The following LRRC7 variants were observed in gnomAD, a reference collection of about 807,000 sequenced individuals.
LRRC7 encodes the protein leucine-rich repeat-containing protein 7.
In LRRC7, 23 loss-of-function variants were observed where a neutral mutation model predicts 175.7. The ratio of observed to expected loss-of-function variants is 0.13; its 90% CI spans 0.09 to 0.19. The LOEUF (loss-of-function observed/expected upper bound fraction) is 0.19. Among genes scored for constraint, LRRC7 ranks in the 10% least tolerant of loss-of-function variants. The pLI, the probability that LRRC7 is intolerant of heterozygous loss-of-function variation, is 1.00. For synonymous variants in LRRC7, 685 were observed against 680.9 expected (o/e 1.01, Z -0.09); for missense variants, 1,354 against 1,904.7 (o/e 0.71, Z 5.38).
chr1:69,826,335 G>T (rs1021235122), intron 5 of LRRC7, among the ~76,000 whole-genome samples: 2 of 152,096 alleles, frequency 1.3e-5, no homozygotes, highest in African/African-American at 4.8e-5. Context: ...TGGAAGATAT[G>T]GATAATAGAG....
At chr1:69,655,795 T>C (rs1177826863) in intron 1 of LRRC7, among the ~76,000 whole-genome samples, 1 of 152,102 alleles carries the variant, frequency 6.6e-6, no homozygotes, top group African/African-American at 2.4e-5. Flanking sequence ...ACATTACATG[T>C]AAATGATTTA....
At chr1:70,008,013 A>G (rs921229181) in intron 11 of LRRC7, among the ~76,000 whole-genome samples, 1 of 152,036 alleles carries the variant, frequency 6.6e-6, no homozygotes, top group African/African-American at 2.4e-5. Flanking sequence ...GAATAGAACT[A>G]ATCAGAGATA....
At chr1:70,119,640 A>G (rs542250548) in intron 26 of LRRC7, among the ~76,000 whole-genome samples, 1 of 152,294 alleles carries the variant, frequency 6.6e-6, no homozygotes, top group South Asian at 2.1e-4. Flanking sequence ...GTTTTATACC[A>G]ATTTCGCCCT....
At chr1:70,013,366 G>A (rs914611593) in intron 13 of LRRC7, among the ~76,000 whole-genome samples, 4 of 151,520 alleles carry the variant, frequency 2.6e-5, no homozygotes, top group African/African-American at 9.7e-5. Flanking sequence ...TATGCAGAAA[G>A]CATAATAATA....
At chr1:69,623,793 A>G (rs1651042821) in intron 1 of LRRC7, among the ~76,000 whole-genome samples, 1 of 152,086 alleles carries the variant, frequency 6.6e-6, no homozygotes, top group South Asian at 2.1e-4. Context: ...CAGGTGATCC[A>G]CCCACCTCGG....
intron 14 of LRRC7, among the ~76,000 whole-genome samples, chr1:70,017,986 T>G (rs1657112521): frequency 6.6e-6 from 1 of 152,120 alleles, no homozygotes; most frequent in Admixed American, 6.6e-5. Context: ...GTAATGTGGT[T>G]ATGACTCAGT....
intron 4 of LRRC7, among the ~76,000 whole-genome samples, chr1:69,798,695 C>T (rs1281317864): frequency 1.3e-5 from 2 of 152,060 alleles, no homozygotes; most frequent in Non-Finnish European, 2.9e-5. Flanking sequence ...TCATCTCAAT[C>T]CCTTCCCACT....
chr1:69,981,635 A>C (rs771691387), intron 9 of LRRC7, among the ~76,000 whole-genome samples: 1 of 152,164 alleles, frequency 6.6e-6, no homozygotes, highest in Non-Finnish European at 1.5e-5. Context: ...GGATAAACAG[A>C]TCTGGATTTC....
intron 1 of LRRC7, among the ~76,000 whole-genome samples, chr1:69,594,392 G>T (rs1646758631): frequency 6.6e-6 from 1 of 152,126 alleles, no homozygotes; most frequent in Non-Finnish European, 1.5e-5. Flanking sequence ...ACTGGGACCA[G>T]TTTTATTTGG....
chr1:69,798,477 C>T (rs2101085564), intron 4 of LRRC7, among the ~76,000 whole-genome samples: 1 of 152,214 alleles, frequency 6.6e-6, no homozygotes, highest in Non-Finnish European at 1.5e-5. Flanking sequence ...TATCCTAACA[C>T]TTAATATTGT....
At chr1:69,623,435 G>GAA (rs138471943) in intron 1 of LRRC7, among the ~76,000 whole-genome samples, 2,936 of 143,232 alleles carry the variant, frequency 0.02, 47 homozygotes, top group Non-Finnish European at 0.032. Context: ...CTGCTATGAG[G>GAA]AAAAAAAAAA....
At chr1:69,919,781 G>T in intron 7 of LRRC7, 2 of 906,722 alleles carry the variant, frequency 2.2e-6, no homozygotes. Context: ...GCGGACGGGG[G>T]AGATGAGCGG....
chr1:69,911,177 C>T (rs564818138), intron 7 of LRRC7, among the ~76,000 whole-genome samples: 19 of 151,808 alleles, frequency 1.3e-4, no homozygotes, highest in East Asian at 9.7e-4. Flanking sequence ...TGCCCTGCTT[C>T]GGCTCGCGCA....
chr1:70,034,894 T>G (rs1659143649), intron 18 of LRRC7, among the ~76,000 whole-genome samples: 1 of 152,186 alleles, frequency 6.6e-6, no homozygotes, highest in Non-Finnish European at 1.5e-5. Context: ...AGATAGAACT[T>G]AAACCAAGAT....
intron 15 of LRRC7, among the ~76,000 whole-genome samples, chr1:70,019,280 A>G (rs1216575298): frequency 2.0e-5 from 3 of 152,062 alleles, no homozygotes; most frequent in African/African-American, 7.2e-5. Flanking sequence ...TCAACCATAA[A>G]TAGATACTTG....
chr1:69,827,160 A>G (rs902890497), intron 5 of LRRC7, among the ~76,000 whole-genome samples: 1 of 152,238 alleles, frequency 6.6e-6, no homozygotes, highest in African/African-American at 2.4e-5. Context: ...CATCTCAGTG[A>G]AATAGATGTT....
At chr1:70,118,071 AC>A in intron 26 of LRRC7, among the ~76,000 whole-genome samples, 1 of 151,512 alleles carries the variant, frequency 6.6e-6, no homozygotes, top group Non-Finnish European at 1.5e-5. Context: ...ATGCACACAC[AC>A]ACACACACAC....
chr1:69,892,637 A>T (rs1645870125), intron 7 of LRRC7, among the ~76,000 whole-genome samples: 1 of 152,170 alleles, frequency 6.6e-6, no homozygotes, highest in Admixed American at 6.5e-5. Flanking sequence ...TTCCATAATA[A>T]TGAGAGGTAG....
In LRRC7 at chr1:69,879,212, TAAAAAA is replaced by T. The variant is rs201332183; in HGVS notation, c.647+40948_647+40953del. 4.4e-3 allele frequency among the ~76,000 whole-genome samples: 402 copies of T among 91,984 alleles called. 5 individuals carry two copies. Among genetic ancestry groups the T allele is most frequent in the African/African-American group, 0.019 (358 of 19,204 alleles). The allele number at this position is 91,984 out of a possible 152,430, so 60.3% of individuals were successfully genotyped here. A position where few individuals can be genotyped will look rare whatever the true frequency, so the allele number is the denominator to read the frequency against. On this transcript the variant is annotated intron_variant, in intron 7 of 26. Transcript: ENST00000651989. The stretch of plus-strand genomic sequence containing the variant: ...TTTTGCTGTAAACCTAAAACTGCTT[TAAAAAA>T]AAAAAAAAAAAAAAAAAAGACTGCG...
Sources: gnomAD v4.1 joint callset for allele counts (sites outside exome capture counted in the v4.1 genomes callset) on GRCh38, gnomAD v4.1.1 for gene constraint, MANE v1.5 for transcripts, NCBI Gene and HGNC (gene_info 2026-07-23, HGNC 2026-07-21) for gene names.